WDR7: variants seen among roughly 807,000 people sequenced by gnomAD.
The protein encoded by WDR7 is WD repeat domain 7, also known as WD repeat-containing protein 7.
In WDR7, 46 loss-of-function variants were observed where a neutral mutation model predicts 169.4. The observed-to-expected ratio is 0.27, with a 90% CI of 0.21 to 0.35. WDR7 has a LOEUF of 0.35. Ranked by LOEUF, WDR7 falls within the 10% of genes least tolerant of loss-of-function variation. WDR7 has a pLI of 1.00. For synonymous variants in WDR7, 612 were observed against 666.8 expected (o/e 0.92, Z 1.27); for missense variants, 1,534 against 1,859.3 (o/e 0.83, Z 3.22).
chr18:57,015,125 T>C (rs908784684), intron 26 of WDR7, among the ~76,000 whole-genome samples: 2 of 152,236 alleles, frequency 1.3e-5, no homozygotes, highest in Non-Finnish European at 2.9e-5. Flanking sequence ...GAAAACAGAA[T>C]AGATTTTCAT....
At position 56,938,694 on chromosome 18, in the gene WDR7, C is replaced by T; in HGVS notation, c.3981+12C>T. 6.2e-7 allele frequency: 1 copy of T among 1,612,856 alleles called. No homozygotes were observed. Among genetic ancestry groups the T allele is most frequent in the Non-Finnish European group, 8.5e-7 (1 of 1,179,570 alleles). On this transcript the variant is annotated intron_variant, in intron 24 of 27. Transcript: ENST00000254442. The stretch of plus-strand genomic sequence containing the variant: ...ATCTTCTCGTGGAGGTAAGAATATC[C>T]TGTTTTAAATGATCCATCAGCAACC...
intron 2 of WDR7, among the ~76,000 whole-genome samples, 162 bp downstream of exon 2, chr18:56,672,836 T>C (rs1282891227): frequency 6.6e-6 from 1 of 152,192 alleles, no homozygotes; most frequent in Non-Finnish European, 1.5e-5. Context: ...ACACTATTCA[T>C]CAGAGTTGAC....
At chr18:56,956,134 A>G (rs549784549) in intron 25 of WDR7, among the ~76,000 whole-genome samples, 1 of 152,150 alleles carries the variant, frequency 6.6e-6, no homozygotes, top group Non-Finnish European at 1.5e-5. Context: ...TGACTCTCAA[A>G]TGGAATTCCC....
chr18:56,694,800 A>G (rs1225009926), intron 10 of WDR7, 40 bp downstream of exon 10: 1 of 1,567,002 alleles, frequency 6.4e-7, no homozygotes, highest in Admixed American at 1.8e-5. Flanking sequence ...TAATTAATTT[A>G]ATATCTTAAA....
At chr18:57,006,337 T>C (rs2048058177) in intron 26 of WDR7, among the ~76,000 whole-genome samples, 1 of 151,864 alleles carries the variant, frequency 6.6e-6, no homozygotes, top group Admixed American at 6.6e-5. Flanking sequence ...TTCTTCAAGA[T>C]TGTAGTTATT....
intron 25 of WDR7, among the ~76,000 whole-genome samples, chr18:56,944,002 T>G (rs1460756219): frequency 1.4e-5 from 2 of 141,152 alleles, no homozygotes; most frequent in African/African-American, 5.3e-5. Context: ...TTTTTTTTTT[T>G]TTTTTGAGAT....
At chr18:56,819,858 T>C (rs1413173187) in intron 20 of WDR7, among the ~76,000 whole-genome samples, 1 of 152,168 alleles carries the variant, frequency 6.6e-6, no homozygotes, top group Non-Finnish European at 1.5e-5. Context: ...TTTGCTTTTA[T>C]ATGTATACTT....
At chr18:56,727,587 A>G (rs983940624) in intron 13 of WDR7, among the ~76,000 whole-genome samples, 5 of 152,134 alleles carry the variant, frequency 3.3e-5, no homozygotes, top group Non-Finnish European at 5.9e-5. Context: ...GTGAGAACTC[A>G]CTGACTATTA....
intron 27 of WDR7, among the ~76,000 whole-genome samples, chr18:57,024,291 T>G (rs1171367460): frequency 6.6e-6 from 1 of 152,182 alleles, no homozygotes; most frequent in Non-Finnish European, 1.5e-5. Flanking sequence ...GAGCATCGTT[T>G]GTATCCAGTC....
At chr18:56,947,269 A>G (rs532602221) in intron 25 of WDR7, among the ~76,000 whole-genome samples, 5 of 152,232 alleles carry the variant, frequency 3.3e-5, no homozygotes, top group African/African-American at 9.6e-5. Flanking sequence ...AGGAAGCACA[A>G]TAAGGTAACA....
intron 20 of WDR7, among the ~76,000 whole-genome samples, chr18:56,841,168 G>A (rs2045480181): frequency 6.6e-6 from 1 of 152,080 alleles, no homozygotes; most frequent in Non-Finnish European, 1.5e-5. Flanking sequence ...ACTCCAGCCT[G>A]GGTGACAGAG....
At chr18:56,892,007 C>A (rs2046270723) in intron 21 of WDR7, among the ~76,000 whole-genome samples, 1 of 152,036 alleles carries the variant, frequency 6.6e-6, no homozygotes, top group Non-Finnish European at 1.5e-5. Flanking sequence ...ACAGCTTTAT[C>A]ATTTTTAACT....
At chr18:56,962,073 A>G (rs1022742507) in intron 25 of WDR7, among the ~76,000 whole-genome samples, 9 of 152,004 alleles carry the variant, frequency 5.9e-5, no homozygotes, top group African/African-American at 1.9e-4. Flanking sequence ...AAATAGAACT[A>G]TTTGCATAGT....
chr18:56,947,131 T>C (rs937594537), intron 25 of WDR7, among the ~76,000 whole-genome samples: 3 of 152,234 alleles, frequency 2.0e-5, no homozygotes. Flanking sequence ...TCAGATGTTT[T>C]ATCACTGTAA....
chr18:56,687,106 G>A, intron 7 of WDR7, 132 bp downstream of exon 7: 1 of 897,384 alleles, frequency 1.1e-6, no homozygotes, highest in East Asian at 2.8e-5. Context: ...GTCTGCTTTT[G>A]ATATCACATT....
rs944658476 is a variant in WDR7, at chr18:56,935,814, C to T, written c.3740C>T (p.Pro1247Leu). The change falls in exon 23 of 28, where the codon CCA (proline) becomes CTA (leucine). Residue 1247 changes from proline (P) to leucine (L), a missense_variant. By Grantham distance (98) the Pro-to-Leu change is moderately conservative (BLOSUM62 -3). Transcript: ENST00000254442. ...ATCACAATGGGGTTGCCTCTGAGCC[C>T]AGCAGCTGACTCGGCCCGCTCTGCG... ...ANITMGLPLSPAADSARSARH... is the reference protein window; with the variant it reads ...ANITMGLPLSLAADSARSARH... 2.5e-6 allele frequency: 4 copies of T among 1,614,008 alleles called. No individual in the cohort carries two copies. The African/African-American group carries it at 5.3e-5, about 22-fold the overall frequency.
chr18:56,793,756 A>G (rs2044533737), intron 19 of WDR7, among the ~76,000 whole-genome samples: 1 of 152,224 alleles, frequency 6.6e-6, no homozygotes, highest in East Asian at 1.9e-4. Flanking sequence ...TGAATAGGAT[A>G]ACAGAGACAT....
chr18:57,001,610 T>C (rs1194999579), intron 26 of WDR7, among the ~76,000 whole-genome samples: 1 of 152,140 alleles, frequency 6.6e-6, no homozygotes, highest in Non-Finnish European at 1.5e-5. Context: ...TGATAAGTGG[T>C]AGCAAATGTA....
chr18:56,853,575 G>A (rs1446199106), intron 20 of WDR7, among the ~76,000 whole-genome samples: 12 of 152,078 alleles, frequency 7.9e-5, no homozygotes, highest in Admixed American at 5.9e-4. Flanking sequence ...CCAGAGACCC[G>A]AACCCCTACC....
Sources: gnomAD v4.1 joint callset for allele counts (sites outside exome capture counted in the v4.1 genomes callset) on GRCh38, gnomAD v4.1.1 for gene constraint, MANE v1.5 for transcripts, NCBI Gene and HGNC (gene_info 2026-07-23, HGNC 2026-07-21) for gene names.